The following CXCR4 variants were observed in gnomAD, a reference collection of about 807,000 sequenced individuals.
CXCR4 encodes C-X-C chemokine receptor type 4.
In CXCR4, 6 loss-of-function variants were observed where a neutral mutation model predicts 22.4. That is an observed-to-expected ratio of 0.27 (90% CI 0.15 to 0.53). CXCR4 has a LOEUF of 0.53. Ranked by LOEUF, CXCR4 falls within the 20% of genes least tolerant of loss-of-function variation. The pLI is 0.96. For missense variants in CXCR4, 300 were observed against 430.4 expected (o/e 0.70, Z 2.68); for synonymous variants, 155 against 171.7 (o/e 0.90, Z 0.76).
Position 136,118,124 on chromosome 2 carries a change from C to T in CXCR4, c.-64G>A. 1.9e-6 allele frequency: 3 copies of T among 1,548,134 alleles called. No homozygotes were observed. Among genetic ancestry groups the T allele is most frequent in the South Asian group, 1.1e-5 (1 of 88,910 alleles). ...CACTCAGGCCCTCGGCGTCACTTTG[C>T]TACCTGCTGCCGCAGCCAACAAACT... On this transcript the variant is annotated 5_prime_UTR_variant, in exon 1 of 2. Coordinates refer to ENST00000241393, the MANE Select transcript of CXCR4 (RefSeq NM_003467.3).
In CXCR4 at chr2:136,115,637, A is replaced by AG; in HGVS notation, c.290_291insC (p.Ala98CysfsTer56). ...TCCCAAAGTACCAGTTTGCCACGGC[A>AG]TCAACTGCCCAGAAGGGAAGCGTGA... On this transcript the variant is annotated frameshift_variant, in exon 2 of 2. Coordinates refer to ENST00000241393, the MANE Select transcript of CXCR4 (RefSeq NM_003467.3). LOFTEE classifies it high-confidence loss of function. The surrounding 1 kb of genome is among the most constrained non-coding windows in gnomAD (Gnocchi z 6.4). The AG allele has an allele frequency of 6.2e-7, 1 of 1,614,230 alleles. No individual in the cohort carries two copies. The highest frequency in any genetic ancestry group is 8.5e-7 in the Non-Finnish European group (1 of 1,180,034).
intron 1 of CXCR4, among the ~76,000 whole-genome samples, chr2:136,117,220 A>C (rs1017049301): frequency 6.6e-6 from 1 of 151,924 alleles, no homozygotes; most frequent in Non-Finnish European, 1.5e-5. Context: ...CCGGAGCGCA[A>C]ATCTCAGGGC....
intron 1 of CXCR4, chr2:136,117,728 T>G (rs1038926201): frequency 5.9e-6 from 2 of 339,480 alleles, no homozygotes; most frequent in African/African-American, 4.4e-5. Context: ...TCTGCACTTG[T>G]GCACAGAATG....
In CXCR4 at chr2:136,118,115, G is replaced by T; in HGVS notation, c.-55C>A. The stretch of plus-strand genomic sequence containing the variant: ...CTACTGGAGCACTCAGGCCCTCGGC[G>T]TCACTTTGCTACCTGCTGCCGCAGC... On this transcript the variant is annotated 5_prime_UTR_variant, in exon 1 of 2. Coordinates refer to ENST00000241393, the MANE Select transcript of CXCR4 (RefSeq NM_003467.3). The T allele has an allele frequency of 1.3e-6, 2 of 1,593,678 alleles. No individual in the cohort carries two copies. The highest frequency in any genetic ancestry group is 1.7e-6 in the Non-Finnish European group (2 of 1,163,334).
chr2:136,117,943 G>C (rs570003758), intron 1 of CXCR4, 103 bp downstream of exon 1: 2 of 1,092,076 alleles, frequency 1.8e-6, no homozygotes, highest in East Asian at 2.7e-5. Flanking sequence ...TGGAGTACGG[G>C]TACCTCCAAT....
chr2:136,116,120 C>T, intron 1 of CXCR4: 11 of 1,465,170 alleles, frequency 7.5e-6, no homozygotes, highest in Non-Finnish European at 9.0e-6. Context: ...TCATTATATC[C>T]TTCTTTGGTA....
chr2:136,115,275 C>T lies in CXCR4; in HGVS notation c.653G>A (p.Cys218Tyr), dbSNP rs756207760. 1.2e-6 allele frequency: 2 copies of T among 1,614,098 alleles called. No homozygotes were observed. Among genetic ancestry groups the T allele is most frequent in the South Asian group, 1.1e-5 (1 of 91,082 alleles). Residue 218 changes from cysteine (C) to tyrosine (Y), a missense_variant, in exon 2 of 2, where the codon TGC (cysteine) becomes TAC (tyrosine). Cys to Tyr is a radical substitution (Grantham distance 194, BLOSUM62 -2). Transcript: ENST00000241393. This position sits in a 1 kb window ranked among gnomAD's most constrained non-coding sequence, Gnocchi z 6.4. ...CAGCTTGGAGATGATAATGCAATAG[C>T]AGGACAGGATGACAATACCAGGCAG... ...LILPGIVILS[C>Y]YCIIISKLSH...
rs925429608 is a variant in CXCR4 at position 136,115,992 on chromosome 2, T to C, written c.16-80A>G. The C allele has an allele frequency of 3.1e-6, 5 of 1,610,664 alleles. No individual in the cohort carries two copies. The highest frequency in any genetic ancestry group is 1.7e-5 in the Admixed American group (1 of 59,566). On this transcript the variant is annotated intron_variant, in intron 1 of 1. Coordinates refer to ENST00000241393, the MANE Select transcript of CXCR4 (RefSeq NM_003467.3). The surrounding 1 kb of genome is among the most constrained non-coding windows in gnomAD (Gnocchi z 6.4). Reference sequence around the variant, plus strand: ...CAGTTAAAAAAAATTTTTAAAGCAATTTAAAAAACCAATTCAGGCTTGCTT... The same window carrying C: ...CAGTTAAAAAAAATTTTTAAAGCAACTTAAAAAACCAATTCAGGCTTGCTT...
intron 1 of CXCR4, among the ~76,000 whole-genome samples, chr2:136,116,789 G>C (rs1039587092): frequency 6.6e-6 from 1 of 152,268 alleles, no homozygotes; most frequent in South Asian, 2.1e-4. Context: ...CACTGATCCA[G>C]TTAACCCGGC....
chr2:136,117,762 C>G (rs1684956329), intron 1 of CXCR4: 1 of 443,640 alleles, frequency 2.3e-6, no homozygotes. Context: ...AAACAGCGTG[C>G]AAGCCGCCGC....
At position 136,114,823 on chromosome 2, in the gene CXCR4, A is replaced by T; in HGVS notation, c.*46T>A. On this transcript the variant is annotated 3_prime_UTR_variant, in exon 2 of 2. Transcript: ENST00000241393. Reference sequence around the variant, plus strand: ...TTTATATCTGAAAAATGTGTAACTTAAAAAAAAGTTATTTATCGTATAAAA... The same window carrying T: ...TTTATATCTGAAAAATGTGTAACTTTAAAAAAAGTTATTTATCGTATAAAA... 1.3e-6 allele frequency: 2 copies of T among 1,482,308 alleles called. No homozygotes were observed. Among genetic ancestry groups the T allele is most frequent in the Non-Finnish European group, 1.8e-6 (2 of 1,085,758 alleles). 91.8% of individuals were successfully genotyped at this position (1,482,308 alleles called of 1,614,324 possible).
intron 1 of CXCR4, 188 bp downstream of exon 1, chr2:136,117,858 T>TCCAATCCTGCTC (rs2104921994): frequency 2.8e-6 from 1 of 357,630 alleles, no homozygotes; most frequent in African/African-American, 2.2e-5. Flanking sequence ...AGAAAAAGAT[T>TCCAATCCTGCTC]CCAATCCTGC....
intron 1 of CXCR4, chr2:136,116,216 C>T: frequency 7.7e-7 from 1 of 1,300,630 alleles, no homozygotes; most frequent in Non-Finnish European, 9.9e-7. Flanking sequence ...AACTCCTCTG[C>T]CCCGCCCACT....
In CXCR4 at chr2:136,115,079, C is replaced by CCACTTGTGCACAGTGAGAA; in HGVS notation, c.848_849insTTCTCACTGTGCACAAGTG (p.Trp283CysfsTer34). The CCACTTGTGCACAGTGAGAA allele has an allele frequency of 6.2e-7, 1 of 1,614,178 alleles. No individual in the cohort carries two copies. Among genetic ancestry groups the CCACTTGTGCACAGTGAGAA allele is most frequent in the Non-Finnish European group, 8.5e-7 (1 of 1,180,040 alleles). Reference sequence around the variant, plus strand: ...AAGCTAGGGCCTCGGTGATGGAAATCCACTTGTGCACAGTGTTCTCAAACT... The same window carrying CCACTTGTGCACAGTGAGAA: ...AAGCTAGGGCCTCGGTGATGGAAATCCACTTGTGCACAGTGAGAACACTTGTGCACAGTGTTCTCAAACT... On this transcript the variant is annotated frameshift_variant, in exon 2 of 2. Transcript: ENST00000241393. LOFTEE classifies it high-confidence loss of function. This position sits in a 1 kb window ranked among gnomAD's most constrained non-coding sequence, Gnocchi z 6.4.
chr2:136,114,896 A>G lies in CXCR4; in HGVS notation c.1032T>C (p.Ser344=), dbSNP rs758871604. The G allele has an allele frequency of 9.3e-6, 15 of 1,610,720 alleles. No homozygotes were observed. The highest frequency in any genetic ancestry group is 1.3e-5 in the Non-Finnish European group (15 of 1,178,052). The change falls in exon 2 of 2, where the codon TCT becomes TCC. Residue 344 remains serine (S), a synonymous_variant. Transcript: ENST00000241393. ...RGGHSSVSTE[S]ESSSFHSS is the part of the protein sequence containing the mutation. ...AGCTGGAGTGAAAACTTGAAGACTC[A>G]GACTCAGTGGAAACAGATGAATGTC...
rs2104915119 is a variant in CXCR4, at chr2:136,114,683, T to A, written c.*186A>T. The A allele has an allele frequency of 1.9e-6, 1 of 529,822 alleles. No homozygotes were observed. Among genetic ancestry groups the A allele is most frequent in the Non-Finnish European group, 3.2e-6 (1 of 309,740 alleles). 32.8% of individuals were successfully genotyped at this position (529,822 alleles called of 1,614,324 possible). A position where few individuals can be genotyped will look rare whatever the true frequency, so the allele number is the denominator to read the frequency against. On this transcript the variant is annotated 3_prime_UTR_variant, in exon 2 of 2. Transcript: ENST00000241393. Reference sequence around the variant, plus strand: ...GCCACAGGTCCTGCCTAGACACACATCAATATGAAACAAAAAAAATTTATA... The same window carrying A: ...GCCACAGGTCCTGCCTAGACACACAACAATATGAAACAAAAAAAATTTATA...
Position 136,114,677 on chromosome 2 carries a change from C to G in CXCR4, c.*192G>C. The stretch of plus-strand genomic sequence containing the variant: ...AACTTGGCCACAGGTCCTGCCTAGA[C>G]ACACATCAATATGAAACAAAAAAAA... On this transcript the variant is annotated 3_prime_UTR_variant, in exon 2 of 2. Coordinates refer to ENST00000241393, the MANE Select transcript of CXCR4 (RefSeq NM_003467.3). 2.0e-6 allele frequency: 1 copy of G among 509,674 alleles called. No homozygotes were observed. Among genetic ancestry groups the G allele is most frequent in the East Asian group, 3.4e-5 (1 of 29,330 alleles). The allele number at this position is 509,674 out of a possible 1,614,324, so 31.6% of individuals were successfully genotyped here. A position where few individuals can be genotyped will look rare whatever the true frequency, so the allele number is the denominator to read the frequency against.
intron 1 of CXCR4, among the ~76,000 whole-genome samples, chr2:136,116,731 C>T (rs1352223103): frequency 6.6e-6 from 1 of 152,134 alleles, no homozygotes; most frequent in African/African-American, 2.4e-5. Context: ...TGGTCCTCGC[C>T]CCAAGTTTCA....
intron 1 of CXCR4, among the ~76,000 whole-genome samples, chr2:136,117,065 C>T (rs551750691): frequency 1.3e-5 from 2 of 152,348 alleles, no homozygotes; most frequent in Admixed American, 6.5e-5. Flanking sequence ...TTTCTGGAAA[C>T]CACCGACGGT....
Sources: gnomAD v4.1 joint callset for allele counts (sites outside exome capture counted in the v4.1 genomes callset) on GRCh38, gnomAD v4.1.1 for gene constraint, Gnocchi (gnomAD v3.1) non-coding constraint, MANE v1.5 for transcripts, NCBI Gene and HGNC (gene_info 2026-07-23, HGNC 2026-07-21) for gene names.